Variants in ARMH4 observed in about 807,000 individuals in gnomAD.
ARMH4 encodes armadillo-like helical domain-containing protein 4.
A neutral mutation model predicts 61.9 loss-of-function variants in ARMH4; 49 were observed. That is an observed-to-expected ratio of 0.79 (90% confidence interval 0.63 to 1.00). The LOEUF is 1.00. Ranked by LOEUF, ARMH4 falls within the 50% of genes least tolerant of loss-of-function variation. ARMH4 has a pLI of 0.00. For missense variants in ARMH4, 934 were observed against 930.0 expected, an observed-to-expected ratio of 1.00 and a Z score of -0.06; for synonymous variants, 368 against 341.5, an observed-to-expected ratio of 1.08 and a Z score of -0.85.
At chr14:58,078,664 A>T (rs1056159772) in intron 5 of ARMH4, among the ~76,000 whole-genome samples, 1 of 152,246 alleles carries the variant, frequency 6.6e-6, no homozygotes, top group Non-Finnish European at 1.5e-5. Flanking sequence ...TTTTGGGTTT[A>T]TGGATCATAA....
intron 5 of ARMH4, among the ~76,000 whole-genome samples, chr14:58,086,728 C>A (rs1037510051): frequency 2.0e-5 from 3 of 151,804 alleles, no homozygotes; most frequent in Admixed American, 6.6e-5. Context: ...TGAGGTTCCC[C>A]AAAAAAATAA....
chr14:58,133,435 G>A (rs1050616434), intron 2 of ARMH4, 94 bp from the exon 3 acceptor site: 5 of 1,215,182 alleles, frequency 4.1e-6, no homozygotes, highest in African/African-American at 1.5e-5. Context: ...GGGGAGGGGA[G>A]CAGATGCTAT....
intron 6 of ARMH4, among the ~76,000 whole-genome samples, chr14:58,007,928 CATAAAAG>C (rs752668503): frequency 2.6e-5 from 4 of 151,858 alleles, no homozygotes; most frequent in Admixed American, 6.6e-5. Context: ...ATGTTAATGT[CATAAAAG>C]ATAAAAGATG....
At chr14:58,147,845 C>G (rs1365958242) in intron 1 of ARMH4, among the ~76,000 whole-genome samples, 1 of 152,082 alleles carries the variant, frequency 6.6e-6, no homozygotes, top group African/African-American at 2.4e-5. Flanking sequence ...CTTTTGGATT[C>G]TGTCAGAATT....
intron 1 of ARMH4, among the ~76,000 whole-genome samples, chr14:58,143,582 G>A (rs1177438883): frequency 6.6e-6 from 1 of 151,784 alleles, no homozygotes; most frequent in Non-Finnish European, 1.5e-5. Context: ...TCCTGCCTCA[G>A]CCTCCCAAAT....
intron 5 of ARMH4, among the ~76,000 whole-genome samples, chr14:58,044,744 A>C (rs576511965): frequency 1.3e-5 from 2 of 152,250 alleles, no homozygotes; most frequent in Non-Finnish European, 2.9e-5. Flanking sequence ...TCCAGAATCT[A>C]CAAAGAACTC....
chr14:58,068,515 G>T (rs574152120), intron 5 of ARMH4, among the ~76,000 whole-genome samples: 19 of 152,194 alleles, frequency 1.2e-4, no homozygotes, highest in African/African-American at 4.3e-4. Context: ...CAATGCATTT[G>T]GGGATAAGCC....
chr14:58,100,010 G>T (rs1418036787), intron 4 of ARMH4, among the ~76,000 whole-genome samples: 1 of 152,162 alleles, frequency 6.6e-6, no homozygotes, highest in East Asian at 1.9e-4. Context: ...TACTGGACAG[G>T]TTGGCTTCTT....
Position 58,138,232 on chromosome 14 carries a change from G to C in ARMH4, c.1127C>G (p.Thr376Arg), listed in dbSNP as rs367838185. The C allele has an allele frequency of 2.5e-6, 4 of 1,614,092 alleles. No individual in the cohort carries two copies. The East Asian group carries it at 6.7e-5, about 27-fold the overall frequency. ...ATGCGCTATTAGCAGGGCTGTGCCC[G>C]TGTGTGTTTCCCCTTCAGGCAGCCC... is the stretch of plus-strand genomic sequence containing the variant. Reference protein sequence around the residue: ...ALGLPEGETHTGTALLIAHGN... With the variant: ...ALGLPEGETHRGTALLIAHGN... The change falls in exon 2 of 8, where the codon ACG becomes AGG. Residue 376 changes from threonine to arginine, a missense_variant. Coordinates refer to ENST00000267485, the MANE Select transcript of ARMH4 (RefSeq NM_001001872.4).
intron 1 of ARMH4, among the ~76,000 whole-genome samples, chr14:58,144,647 C>A (rs1887677790): frequency 6.6e-6 from 1 of 152,204 alleles, no homozygotes; most frequent in Non-Finnish European, 1.5e-5. Context: ...GCGGGTGGAT[C>A]ACGAGGCCAG....
At chr14:58,044,798 G>A (rs1883871661) in intron 5 of ARMH4, among the ~76,000 whole-genome samples, 1 of 152,322 alleles carries the variant, frequency 6.6e-6, no homozygotes, top group East Asian at 1.9e-4. Flanking sequence ...AAAAGTGGGA[G>A]AAGGATATGA....
intron 4 of ARMH4, among the ~76,000 whole-genome samples, chr14:58,112,363 A>G: frequency 7.2e-6 from 1 of 139,210 alleles, no homozygotes; most frequent in Non-Finnish European, 1.5e-5. Flanking sequence ...TCTACTGCCT[A>G]CTGCATTTTT....
chr14:58,132,461 T>TCG (rs1887140349), intron 3 of ARMH4, among the ~76,000 whole-genome samples: 1 of 151,246 alleles, frequency 6.6e-6, no homozygotes, highest in African/African-American at 2.4e-5. Context: ...TTTCACCTCA[T>TCG]CCCCCCCGGC....
In ARMH4 at chr14:58,003,261, T is replaced by C. The variant is rs1403263569; in HGVS notation, c.*1475A>G. ...AAGGTTACTGAACTGAAGATAAGGG[T>C]GCATGGCTGGGTCCAAGTGGGTTCT... On this transcript the variant is annotated 3_prime_UTR_variant, in exon 8 of 8. Transcript: ENST00000267485. 6.6e-6 allele frequency: 1 copy of C among 152,204 alleles called. No individual in the cohort carries two copies. Among genetic ancestry groups the C allele is most frequent in the African/African-American group, 2.4e-5 (1 of 41,460 alleles). 9.4% of individuals were successfully genotyped at this position (152,204 alleles called of 1,614,324 possible). A position where few individuals can be genotyped will look rare whatever the true frequency, so the allele number is the denominator to read the frequency against.
intron 5 of ARMH4, among the ~76,000 whole-genome samples, chr14:58,028,707 G>A (rs55663011): frequency 6.6e-6 from 1 of 151,974 alleles, no homozygotes; most frequent in Non-Finnish European, 1.5e-5. Flanking sequence ...CAGGAGGCCA[G>A]TACTCAGGCT....
At chr14:58,104,790 A>G (rs767792610) in intron 4 of ARMH4, among the ~76,000 whole-genome samples, 3 of 152,260 alleles carry the variant, frequency 2.0e-5, no homozygotes, top group Non-Finnish European at 4.4e-5. Flanking sequence ...ACTAATGAGT[A>G]CTTGGCAATC....
At chr14:58,114,517 C>G (rs1388946677) in intron 4 of ARMH4, among the ~76,000 whole-genome samples, 2 of 152,124 alleles carry the variant, frequency 1.3e-5, no homozygotes, top group African/African-American at 4.8e-5. Context: ...TTTGCTATGT[C>G]AAGACCCATT....
intron 5 of ARMH4, among the ~76,000 whole-genome samples, chr14:58,057,015 G>A (rs1355460865): frequency 6.6e-6 from 1 of 152,064 alleles, no homozygotes; most frequent in Non-Finnish European, 1.5e-5. Flanking sequence ...CCTACTAGGT[G>A]GCAGAGCACA....
At chr14:58,148,628 GAATATA>G (rs1887824449) in intron 1 of ARMH4, among the ~76,000 whole-genome samples, 1 of 152,096 alleles carries the variant, frequency 6.6e-6, no homozygotes, top group Non-Finnish European at 1.5e-5. Context: ...GGCATGATGT[GAATATA>G]AATAACCATT....
Sources: gnomAD v4.1 joint callset for allele counts (sites outside exome capture counted in the v4.1 genomes callset) on GRCh38, gnomAD v4.1.1 for gene constraint, MANE v1.5 for transcripts, NCBI Gene and HGNC (gene_info 2026-07-23, HGNC 2026-07-21) for gene names.